Variants in STAB1 observed in about 807,000 individuals in gnomAD.
STAB1 encodes stabilin-1.
A neutral mutation model predicts 332.4 loss-of-function variants in STAB1; 250 were observed. The ratio of observed to expected loss-of-function variants is 0.75; its 90% confidence interval spans 0.68 to 0.84. The LOEUF is 0.84. STAB1 is among the 40% of genes least tolerant of loss of function. The pLI is 0.00. For synonymous variants in STAB1, 1,475 were observed against 1,390.4 expected, an observed-to-expected ratio of 1.06 and a Z score of -1.35; for missense variants, 3,249 against 3,489.7, an observed-to-expected ratio of 0.93 and a Z score of 1.74.
chr3:52,523,640 G>A lies in STAB1; in HGVS notation c.7291-12G>A. On this transcript the variant is annotated splice_polypyrimidine_tract_variant and intron_variant, in intron 65 of 68. Transcript: ENST00000321725. ...CTCGCTCACAGTGGGCCTGACTCTG[G>A]TCTCCCTGCAGGCCCCAGGGACAGT... 1 of 1,612,862 alleles carries A rather than the reference G, an allele frequency of 6.2e-7. No homozygotes were observed. Among genetic ancestry groups the A allele is most frequent in the Non-Finnish European group, 8.5e-7 (1 of 1,180,016 alleles).
chr3:52,515,574 G>C lies in STAB1; in HGVS notation c.3948+68G>C, dbSNP rs569150647. On this transcript the variant is annotated intron_variant, in intron 37 of 68. Transcript: ENST00000321725. ...GAGGTGGGAGTGGGTGGGGGCCCAG[G>C]GAGGAGCCCAGTTTGGATCTTAAGG... The C allele has an allele frequency of 1.2e-4, 178 of 1,535,664 alleles. 1 individual carries two copies. In the East Asian group the frequency reaches 3.2e-3, roughly 27 times the overall value.
Position 52,501,701 on chromosome 3 carries a change from G to A in STAB1, c.279G>A (p.Lys93=), listed in dbSNP as rs1708457631. The A allele has an allele frequency of 3.2e-6, 5 of 1,582,418 alleles. No homozygotes were observed. The highest frequency in any genetic ancestry group is 4.3e-6 in the Non-Finnish European group (5 of 1,165,322). Residue 93 remains lysine (K), a synonymous_variant, in exon 3 of 69, where the codon AAG becomes AAA. Transcript: ENST00000321725. ...SMSGCRRKCR[K]QVVQKACCPG... ...GCGGCTGCAGACGGAAGTGCCGGAAGCAAGTGGTGCAGAAGGCCTGCTGCC... is the reference window on the plus strand; with the variant it reads ...GCGGCTGCAGACGGAAGTGCCGGAAACAAGTGGTGCAGAAGGCCTGCTGCC...
rs748984362 is a variant in STAB1, at chr3:52,516,188, C to T, written c.4094C>T (p.Thr1365Met). The change falls in exon 38 of 69, where the codon ACG becomes ATG. Residue 1365 changes from threonine (T) to methionine (M), a missense_variant. Coordinates refer to ENST00000321725, the MANE Select transcript of STAB1 (RefSeq NM_015136.3). The stretch of plus-strand genomic sequence containing the variant: ...CACTGCCACGAGGGCTTCCATGGAA[C>T]GGCCTGTGAGGTGTGTGAGCTGGGC... ...ECHCHEGFHG[T>M]ACEVCELGRY... 36 of 1,611,338 alleles carry T rather than the reference C, an allele frequency of 2.2e-5. No homozygotes were observed. The Middle Eastern group carries it at 4.9e-4, about 22-fold the overall frequency.
Position 52,518,800 on chromosome 3 carries a change from C to T in STAB1, c.4965C>T (p.Ser1655=), listed in dbSNP as rs755021598. 1.2e-6 allele frequency: 2 copies of T among 1,611,596 alleles called. No homozygotes were observed. The highest frequency in any genetic ancestry group is 2.7e-5 in the African/African-American group (2 of 74,878). Reference sequence around the variant, plus strand: ...TGGTTGGCTGTCGGCGGCTGCGGAGCGAGGACCTGCTGGAGCAGGGGTACG... The same window carrying T: ...TGGTTGGCTGTCGGCGGCTGCGGAGTGAGGACCTGCTGGAGCAGGGGTACG... ...YHVVGCRRLR[S]EDLLEQGYAT... Residue 1655 remains serine (S), a synonymous_variant, in exon 48 of 69, where the codon AGC becomes AGT. Coordinates refer to ENST00000321725, the MANE Select transcript of STAB1 (RefSeq NM_015136.3).
At position 52,517,925 on chromosome 3, in the gene STAB1, G is replaced by A. The variant is rs1316431117; in HGVS notation, c.4683G>A (p.Gly1561=). ...CATATGCCACCTGCAAAAGCACAGG[G>A]GATGGCCAGAGGACATGTACCTGCG... ...CSPYATCKST[G]DGQRTCTCDT... The change falls in exon 45 of 69, where the codon GGG becomes GGA. Residue 1561 remains glycine (G), a synonymous_variant. Coordinates refer to ENST00000321725, the MANE Select transcript of STAB1 (RefSeq NM_015136.3). The A allele has an allele frequency of 1.2e-6, 2 of 1,611,432 alleles. No homozygotes were observed. The highest frequency in any genetic ancestry group is 8.5e-7 in the Non-Finnish European group (1 of 1,179,608).
At position 52,520,117 on chromosome 3, in the gene STAB1, C is replaced by T. The variant is rs755216315; in HGVS notation, c.5409C>T (p.Val1803=). 9.9e-6 allele frequency: 16 copies of T among 1,610,602 alleles called. No individual in the cohort carries two copies. Among genetic ancestry groups the T allele is most frequent in the East Asian group, 2.2e-5 (1 of 44,814 alleles). ...TGCGGGGCCACATGATTCGCAATGT[C>T]GAGGTGGGTGCAGCCCCCAACCTTG... is the stretch of plus-strand genomic sequence containing the variant. ...AILRGHMIRN[V]EALASDLPNL... is the part of the protein sequence containing the mutation. Residue 1803 remains valine, a synonymous_variant, in exon 51 of 69, where the codon GTC becomes GTT. Coordinates refer to ENST00000321725, the MANE Select transcript of STAB1 (RefSeq NM_015136.3).
intron 18 of STAB1, 51 bp from the exon 19 acceptor site, chr3:52,507,562 T>C: frequency 6.4e-7 from 1 of 1,570,164 alleles, no homozygotes; most frequent in Non-Finnish European, 8.7e-7. Flanking sequence ...GTTTGCCGAG[T>C]AAATAAACAA....
chr3:52,516,034 C>A lies in STAB1; in HGVS notation c.3949-9C>A. On this transcript the variant is annotated splice_polypyrimidine_tract_variant and intron_variant, in intron 37 of 68. Coordinates refer to ENST00000321725, the MANE Select transcript of STAB1 (RefSeq NM_015136.3). ...TCTCTCGCCCTCTCTCCCATCCCCA[C>A]GCCGACAGGTGCCGGACTGCTGCCC... 1 of 1,597,160 alleles carries A rather than the reference C, an allele frequency of 6.3e-7. No homozygotes were observed. The highest frequency in any genetic ancestry group is 8.5e-7 in the Non-Finnish European group (1 of 1,172,012).
At position 52,512,328 on chromosome 3, in the gene STAB1, A is replaced by G; in HGVS notation, c.2884-13A>G. Reference sequence around the variant, plus strand: ...TGGTTCTGAATGGAGGCCCTTTCTCACTCCCACCCCAGGCCACCTGCCGGG... The same window carrying G: ...TGGTTCTGAATGGAGGCCCTTTCTCGCTCCCACCCCAGGCCACCTGCCGGG... On this transcript the variant is annotated splice_polypyrimidine_tract_variant and intron_variant, in intron 26 of 68. Coordinates refer to ENST00000321725, the MANE Select transcript of STAB1 (RefSeq NM_015136.3). 2 of 1,611,154 alleles carry G rather than the reference A, an allele frequency of 1.2e-6. No homozygotes were observed.
rs181171122 is a variant in STAB1, at chr3:52,524,464, G to C, written c.*108G>C. 5.0e-6 allele frequency: 8 copies of C among 1,612,590 alleles called. No homozygotes were observed. The highest frequency in any genetic ancestry group is 1.3e-5 in the African/African-American group (1 of 74,948). On this transcript the variant is annotated 3_prime_UTR_variant, in exon 69 of 69. Coordinates refer to ENST00000321725, the MANE Select transcript of STAB1 (RefSeq NM_015136.3). ...TGAGGGCCTGTCCCAGACAATAAAG[G>C]TGCCCTCAGCGGATGTGGGCCATGT...
intron 5 of STAB1, 62 bp from the exon 6 acceptor site, chr3:52,502,570 G>A (rs1426359370): frequency 5.7e-6 from 8 of 1,411,574 alleles, no homozygotes; most frequent in African/African-American, 1.4e-5. Flanking sequence ...GCAGGGACCC[G>A]ATGTCCCAGT....
Position 52,502,631 on chromosome 3 carries a change from G to A in STAB1, c.488-1G>A. On this transcript the variant is annotated splice_acceptor_variant, in intron 5 of 68. Transcript: ENST00000321725. LOFTEE classifies it high-confidence loss of function. ...CATCTGTCTCTGTGTGTCCCTCCCA[G>A]TGTGCAGCTGTGTGCACGGAGTGTG... is the stretch of plus-strand genomic sequence containing the variant. 6.2e-7 allele frequency: 1 copy of A among 1,609,028 alleles called. No homozygotes were observed. Among genetic ancestry groups the A allele is most frequent in the Non-Finnish European group, 8.5e-7 (1 of 1,176,078 alleles).
rs1368314824 is a variant in STAB1, at chr3:52,514,830, G to T, written c.3807+1G>T. On this transcript the variant is annotated splice_donor_variant, in intron 35 of 68. Transcript: ENST00000321725. LOFTEE classifies it high-confidence loss of function. ...GCATAGCCACGCTGAGGCCCTGCGG[G>T]TGAGAGGCTGGGGCCACAGGAAGGC... 9 of 1,612,776 alleles carry T rather than the reference G, an allele frequency of 5.6e-6. No individual in the cohort carries two copies. In the Admixed American group the frequency reaches 1.5e-4, roughly 27 times the overall value.
At position 52,506,756 on chromosome 3, in the gene STAB1, G is replaced by A. The variant is rs1708903126; in HGVS notation, c.1895G>A (p.Gly632Asp). The change falls in exon 18 of 69, where the codon GGT becomes GAT. Residue 632 changes from glycine to aspartate, a missense_variant. Transcript: ENST00000321725. Reference protein sequence around the residue: ...LQRVDVMAANGVIHMLDGILL... With the variant: ...LQRVDVMAANDVIHMLDGILL... ...AGGGTAGACGTGATGGCCGCCAATG[G>A]TGTGATCCACATGCTGGACGGCATC... is the stretch of plus-strand genomic sequence containing the variant. The A allele has an allele frequency of 6.2e-7, 1 of 1,612,648 alleles. No homozygotes were observed. Among genetic ancestry groups the A allele is most frequent in the African/African-American group, 1.3e-5 (1 of 74,930 alleles).
chr3:52,515,234 G>A (rs2153233740), intron 36 of STAB1, among the ~76,000 whole-genome samples, 189 bp downstream of exon 36: 1 of 152,284 alleles, frequency 6.6e-6, no homozygotes, highest in South Asian at 2.1e-4. Flanking sequence ...GACTCTCTCA[G>A]ACTTGCGGCC....
In STAB1 at chr3:52,505,653, C is replaced by CT; in HGVS notation, c.1582-13dup. The CT allele has an allele frequency of 6.2e-7, 1 of 1,612,522 alleles. No individual in the cohort carries two copies. Among genetic ancestry groups the CT allele is most frequent in the Non-Finnish European group, 8.5e-7 (1 of 1,179,636 alleles). On this transcript the variant is annotated splice_polypyrimidine_tract_variant and intron_variant, in intron 14 of 68. Coordinates refer to ENST00000321725, the MANE Select transcript of STAB1 (RefSeq NM_015136.3). ...TGGCCATGCAACCCCCTGAGCCTCC[C>CT]TTGCACCACCACAGAACTGTGGGCT...
chr3:52,507,983 T>G lies in STAB1; in HGVS notation c.2105T>G (p.Val702Gly). 1 of 1,613,692 alleles carries G rather than the reference T, an allele frequency of 6.2e-7. No individual in the cohort carries two copies. The highest frequency in any genetic ancestry group is 1.3e-5 in the African/African-American group (1 of 75,060). ...ATCCATGACCCAACGGGGCTCAATG[T>G]GCTAAAGAAGGGCTGTGCCAGCTAC... ...VYIHDPTGLN[V>G]LKKGCASYCN... The change falls in exon 20 of 69, where the codon GTG (valine) becomes GGG (glycine). Residue 702 changes from valine to glycine, a missense_variant. Coordinates refer to ENST00000321725, the MANE Select transcript of STAB1 (RefSeq NM_015136.3).
At chr3:52,504,933 C>G in intron 12 of STAB1, 57 bp downstream of exon 12, 1 of 1,612,750 alleles carries the variant, frequency 6.2e-7, no homozygotes. Flanking sequence ...CAAGGGTGTG[C>G]AGGTGGGAGG....
At position 52,522,389 on chromosome 3, in the gene STAB1, G is replaced by A. The variant is rs775873864; in HGVS notation, c.6525G>A (p.Glu2175=). The A allele has an allele frequency of 2.5e-6, 4 of 1,613,046 alleles. No individual in the cohort carries two copies. Among genetic ancestry groups the A allele is most frequent in the African/African-American group, 2.7e-5 (2 of 75,066 alleles). Residue 2175 remains glutamate, a synonymous_variant, in exon 60 of 69, where the codon GAG becomes GAA. Transcript: ENST00000321725. ...TAGGCGATGGACTGCAGTGTCTGGAGGAGTCGGAACCACCTGTGGACCGCT... is the reference window on the plus strand; with the variant it reads ...TAGGCGATGGACTGCAGTGTCTGGAAGAGTCGGAACCACCTGTGGACCGCT... ...GYVGDGLQCL[E]ESEPPVDRCL...
Sources: allele counts gnomAD v4.1 joint callset (sites outside exome capture counted in the v4.1 genomes callset), GRCh38; gene constraint gnomAD v4.1.1; transcripts MANE v1.5; gene names NCBI Gene and HGNC (gene_info 2026-07-23, HGNC 2026-07-21).